CDH12: variants seen among roughly 807,000 people sequenced by gnomAD.
The protein encoded by CDH12 is cadherin 12, also known as cadherin-12.
A neutral mutation model predicts 74.1 loss-of-function variants in CDH12; 41 were observed. The observed-to-expected ratio is 0.55, with a 90% CI of 0.43 to 0.72. The LOEUF (loss-of-function observed/expected upper bound fraction) is 0.72, where lower values mean the gene tolerates loss of function less well. Ranked by LOEUF, CDH12 falls within the 30% of genes least tolerant of loss-of-function variation. The pLI is 0.00. For synonymous variants in CDH12, 399 were observed against 355.0 expected (o/e 1.12, Z -1.39); for missense variants, 945 against 977.2 (o/e 0.97, Z 0.44).
chr5:22,531,136 T>C (rs1441026127), intron 1 of CDH12, among the ~76,000 whole-genome samples: 1 of 152,094 alleles, frequency 6.6e-6, no homozygotes, highest in Non-Finnish European at 1.5e-5. Flanking sequence ...TGACCTCCCA[T>C]GCACCCCCAA....
chr5:22,660,757 G>A (rs1740305919), intron 1 of CDH12, among the ~76,000 whole-genome samples: 1 of 152,066 alleles, frequency 6.6e-6, no homozygotes, highest in Non-Finnish European at 1.5e-5. Context: ...CATATTTTGT[G>A]CTTCATTTAC....
At chr5:21,868,072 T>G (rs1751425622) in intron 6 of CDH12, among the ~76,000 whole-genome samples, 1 of 151,662 alleles carries the variant, frequency 6.6e-6, no homozygotes, top group Admixed American at 6.6e-5. Flanking sequence ...TTGTCTTGTC[T>G]GCTGCCATGG....
chr5:21,765,210 A>G (rs1579659060), intron 11 of CDH12, 111 bp from the exon 12 acceptor site: 1 of 864,584 alleles, frequency 1.2e-6, no homozygotes, highest in East Asian at 3.2e-5. Flanking sequence ...AGAATGAAAA[A>G]AAATCCTTCT....
intron 3 of CDH12, among the ~76,000 whole-genome samples, chr5:22,240,927 A>T (rs921992019): frequency 6.6e-6 from 1 of 152,160 alleles, no homozygotes; most frequent in African/African-American, 2.4e-5. Context: ...AAGACAGAGG[A>T]GAAAAGTAAA....
At chr5:22,184,246 G>T (rs1242659557) in intron 4 of CDH12, among the ~76,000 whole-genome samples, 3 of 152,088 alleles carry the variant, frequency 2.0e-5, no homozygotes, top group Non-Finnish European at 2.9e-5. Context: ...AGATAATAAA[G>T]TTATTCTTGA....
chr5:21,972,040 C>A (rs556862120), intron 6 of CDH12, among the ~76,000 whole-genome samples: 1 of 152,072 alleles, frequency 6.6e-6, no homozygotes, highest in African/African-American at 2.4e-5. Context: ...CACCATTCTC[C>A]CTTTGTACAA....
chr5:22,689,632 A>G (rs1413160924), intron 1 of CDH12, among the ~76,000 whole-genome samples: 1 of 152,130 alleles, frequency 6.6e-6, no homozygotes, highest in Non-Finnish European at 1.5e-5. Flanking sequence ...AAAGGAGAAA[A>G]AAGCTTAAAT....
chr5:22,498,901 C>CTTTTTT (rs34550762), intron 2 of CDH12, among the ~76,000 whole-genome samples: 276 of 73,420 alleles, frequency 3.8e-3, no homozygotes, highest in Middle Eastern at 8.8e-3. Flanking sequence ...TTTTCTGTTT[C>CTTTTTT]TTTTTTTTTT....
intron 4 of CDH12, among the ~76,000 whole-genome samples, chr5:22,188,984 G>T (rs1750119501): frequency 6.6e-6 from 1 of 152,166 alleles, no homozygotes; most frequent in Non-Finnish European, 1.5e-5. Flanking sequence ...TAACAAGGGA[G>T]CATGGAGATG....
chr5:21,940,095 C>T (rs1196515590), intron 6 of CDH12, among the ~76,000 whole-genome samples: 1 of 152,016 alleles, frequency 6.6e-6, no homozygotes, highest in African/African-American at 2.4e-5. Context: ...GGCATAGTGG[C>T]TCACGTCTGT....
At chr5:22,579,953 C>G (rs1739998014) in intron 1 of CDH12, among the ~76,000 whole-genome samples, 1 of 152,166 alleles carries the variant, frequency 6.6e-6, no homozygotes, top group Admixed American at 6.6e-5. Context: ...ACCCTGGTCT[C>G]TTCTCTCCAG....
intron 1 of CDH12, among the ~76,000 whole-genome samples, chr5:22,794,383 C>T (rs1051523075): frequency 1.3e-5 from 2 of 152,108 alleles, no homozygotes; most frequent in Admixed American, 6.6e-5. Flanking sequence ...AACAAAATAG[C>T]CAATATAATT....
chr5:22,534,465 C>G (rs1039474096), intron 1 of CDH12, among the ~76,000 whole-genome samples: 2 of 152,286 alleles, frequency 1.3e-5, no homozygotes, highest in Middle Eastern at 3.4e-3. Flanking sequence ...GTTTTCCATT[C>G]CTGAGTTTCT....
intron 10 of CDH12, among the ~76,000 whole-genome samples, chr5:21,789,295 G>T (rs1746363916): frequency 6.6e-6 from 1 of 152,052 alleles, no homozygotes; most frequent in Middle Eastern, 3.2e-3. Context: ...TTGACTGGTT[G>T]CGAAGGAAAG....
chr5:22,570,505 G>T (rs139414220), intron 1 of CDH12, among the ~76,000 whole-genome samples: 2 of 151,958 alleles, frequency 1.3e-5, no homozygotes, highest in African/African-American at 4.8e-5. Flanking sequence ...CAATGTCTAT[G>T]AGCAGTAATA....
chr5:22,002,530 A>G (rs924449713), intron 5 of CDH12, among the ~76,000 whole-genome samples: 2 of 152,160 alleles, frequency 1.3e-5, no homozygotes, highest in African/African-American at 2.4e-5. Context: ...CTTCTAAAAT[A>G]TAATTAAAAT....
In CDH12 at chr5:22,580,385, C is replaced by A. The variant is rs1422367112; in HGVS notation, c.-522-75021G>T. On this transcript the variant is annotated intron_variant, in intron 1 of 14. Coordinates refer to ENST00000382254, the MANE Select transcript of CDH12 (RefSeq NM_004061.5). ...AAATGCACACCAAGTGCACGTGGTC[C>A]CCATCGTAGGGTGGGTAGGGAGCAT... 24 of 481,998 alleles carry A rather than the reference C, an allele frequency of 5.0e-5. 1 individual carries two copies. The Admixed American group carries it at 5.3e-4, about 11-fold the overall frequency. 29.9% of individuals were successfully genotyped at this position (481,998 alleles called of 1,614,324 possible). A position where few individuals can be genotyped will look rare whatever the true frequency, so the allele number is the denominator to read the frequency against.
At chr5:22,343,998 C>T (rs1179139422) in intron 3 of CDH12, among the ~76,000 whole-genome samples, 1 of 152,156 alleles carries the variant, frequency 6.6e-6, no homozygotes, top group African/African-American at 2.4e-5. Context: ...CAAGGCAATG[C>T]TACTTTGGCA....
chr5:22,825,637 GAA>G (rs1190853821), intron 1 of CDH12, among the ~76,000 whole-genome samples: 1 of 152,128 alleles, frequency 6.6e-6, no homozygotes, highest in Non-Finnish European at 1.5e-5. Flanking sequence ...CTAGGGCAGA[GAA>G]AAAAGTCAGG....
Sources: allele counts gnomAD v4.1 joint callset (sites outside exome capture counted in the v4.1 genomes callset), GRCh38; gene constraint gnomAD v4.1.1; transcripts MANE v1.5; gene names NCBI Gene and HGNC (gene_info 2026-07-23, HGNC 2026-07-21).